Variants in GLI3 observed in about 807,000 individuals in gnomAD.
GLI3 encodes the protein GLI family zinc finger 3.
GLI3 carries 20 observed loss-of-function variants against 100.8 expected under a neutral mutation model. That is an observed-to-expected ratio of 0.20 (90% confidence interval 0.14 to 0.29). The LOEUF (loss-of-function observed/expected upper bound fraction) is 0.29, where lower values mean the gene tolerates loss of function less well. Among genes scored for constraint, GLI3 ranks in the 10% least tolerant of loss-of-function variants. The probability of loss-of-function intolerance (pLI) is 1.00; values close to 1 mark genes in which losing one functional copy is unlikely to be tolerated. For missense variants in GLI3, 2,040 were observed against 2,128.5 expected (o/e 0.96, Z 0.82); for synonymous variants, 938 against 860.5 (o/e 1.09, Z -1.58).
intron 1 of GLI3, among the ~76,000 whole-genome samples, chr7:42,249,966 A>G (rs1035412461): frequency 2.0e-5 from 3 of 152,056 alleles, no homozygotes; most frequent in African/African-American, 7.2e-5. Flanking sequence ...ATGGTGTTGC[A>G]TACCTGTAGT....
chr7:42,106,227 T>C (rs565581603), intron 3 of GLI3, among the ~76,000 whole-genome samples: 2 of 152,314 alleles, frequency 1.3e-5, no homozygotes, highest in African/African-American at 4.8e-5. Flanking sequence ...ACTGTAAATG[T>C]CTGATATCTG....
chr7:42,258,099 C>T (rs1478672360), intron 1 of GLI3, among the ~76,000 whole-genome samples: 1 of 152,132 alleles, frequency 6.6e-6, no homozygotes, highest in Non-Finnish European at 1.5e-5. Flanking sequence ...ATGTATAACC[C>T]AATCATAATG....
chr7:42,140,179 T>C (rs773420136), intron 3 of GLI3, among the ~76,000 whole-genome samples: 1 of 152,242 alleles, frequency 6.6e-6, no homozygotes, highest in Non-Finnish European at 1.5e-5. Flanking sequence ...CTGCCAAGGC[T>C]GGGTAAGTCC....
chr7:41,968,001 C>T (rs1032559894), intron 13 of GLI3, 78 bp from the exon 14 acceptor site: 2 of 1,068,264 alleles, frequency 1.9e-6, no homozygotes, highest in African/African-American at 3.1e-5. Context: ...AGAGCTCATG[C>T]ATATCGAGAT....
At chr7:42,036,317 T>A (rs994497219) in intron 7 of GLI3, among the ~76,000 whole-genome samples, 1 of 152,212 alleles carries the variant, frequency 6.6e-6, no homozygotes, top group African/African-American at 2.4e-5. Context: ...CTTACTTTAA[T>A]AAGGGGATGA....
chr7:42,031,407 G>A (rs953909159), intron 7 of GLI3, among the ~76,000 whole-genome samples: 1 of 152,156 alleles, frequency 6.6e-6, no homozygotes, highest in African/African-American at 2.4e-5. Context: ...ACAGTCAGAG[G>A]CCTCCTGAGG....
chr7:42,117,769 G>A (rs1163613499), intron 3 of GLI3, among the ~76,000 whole-genome samples: 4 of 152,160 alleles, frequency 2.6e-5, no homozygotes, highest in African/African-American at 7.2e-5. Flanking sequence ...TTACAGTAGA[G>A]TTTAGATTAA....
At chr7:42,220,134 G>A (rs1012296527) in intron 2 of GLI3, among the ~76,000 whole-genome samples, 6 of 152,108 alleles carry the variant, frequency 3.9e-5, no homozygotes, top group Admixed American at 3.9e-4. Context: ...TTACAGGTGT[G>A]AGCCACCGGG....
At chr7:42,241,247 G>C (rs992590499), upstream of GLI3, among the ~76,000 whole-genome samples, 1 of 152,174 alleles carries the variant, frequency 6.6e-6, no homozygotes, top group African/African-American at 2.4e-5. Context: ...GAGGAAGGTG[G>C]CCAGAGGCAG....
At chr7:42,108,119 T>C (rs991550681) in intron 3 of GLI3, among the ~76,000 whole-genome samples, 2 of 152,152 alleles carry the variant, frequency 1.3e-5, no homozygotes, top group African/African-American at 4.8e-5. Context: ...CAATGTCAAA[T>C]ATCCAGATGA....
intron 10 of GLI3, among the ~76,000 whole-genome samples, chr7:42,000,476 AG>A (rs1788255159): frequency 6.6e-6 from 1 of 152,196 alleles, no homozygotes; most frequent in African/African-American, 2.4e-5. Context: ...ACAGGCCAAA[AG>A]CCCCCACAGT....
At chr7:42,181,304 T>G (rs184828861) in intron 2 of GLI3, among the ~76,000 whole-genome samples, 81 of 152,308 alleles carry the variant, frequency 5.3e-4, no homozygotes, top group African/African-American at 1.9e-3. Context: ...AATTTCAGCC[T>G]ATGCAGAATT....
chr7:42,010,709 TA>T (rs1788588596), intron 10 of GLI3, among the ~76,000 whole-genome samples: 1 of 152,194 alleles, frequency 6.6e-6, no homozygotes, highest in African/African-American at 2.4e-5. Flanking sequence ...ATTTAATAGT[TA>T]AGAACATCTA....
At chr7:42,004,451 A>C (rs1788392275) in intron 10 of GLI3, among the ~76,000 whole-genome samples, 1 of 152,194 alleles carries the variant, frequency 6.6e-6, no homozygotes, top group Non-Finnish European at 1.5e-5. Context: ...GATTGCACAT[A>C]AAATAAAAAG....
rs377548569 is a variant in GLI3, at chr7:41,965,572, G to A, written c.3501C>T (p.Ser1167=). The A allele has an allele frequency of 5.6e-6, 9 of 1,604,856 alleles. No homozygotes were observed. The highest frequency in any genetic ancestry group is 2.2e-5 in the South Asian group (2 of 90,864). ...TGGAGGAGGACAGGTCGGCGCTTCC[G>A]GAGCTGACTTCGTTCCACTGAATGG... ...DLPIQWNEVS[S]GSADLSSSKL... The change falls in exon 15 of 15, where the codon TCC becomes TCT. Residue 1167 remains serine (S), a synonymous_variant. Transcript: ENST00000395925.
intron 1 of GLI3, among the ~76,000 whole-genome samples, chr7:42,249,051 C>T (rs556610430): frequency 6.6e-6 from 1 of 152,018 alleles, no homozygotes; most frequent in African/African-American, 2.4e-5. Context: ...CTGGCCTTAT[C>T]GAAATTTAGG....
At chr7:42,093,599 T>C (rs1466412019) in intron 3 of GLI3, among the ~76,000 whole-genome samples, 1 of 152,198 alleles carries the variant, frequency 6.6e-6, no homozygotes, top group Non-Finnish European at 1.5e-5. Flanking sequence ...TCAGTGCTTA[T>C]GGCTCTTAAG....
intron 10 of GLI3, among the ~76,000 whole-genome samples, chr7:41,980,575 T>A (rs1325669647): frequency 6.6e-6 from 1 of 150,432 alleles, no homozygotes; most frequent in Non-Finnish European, 1.5e-5. Flanking sequence ...CTTGGATTAA[T>A]GCATATGAAA....
chr7:42,189,524 A>AATCAAAATAAATATCAAAT (rs1787784636), intron 2 of GLI3, among the ~76,000 whole-genome samples: 1 of 152,228 alleles, frequency 6.6e-6, no homozygotes, highest in South Asian at 2.1e-4. Flanking sequence ...GAAAAGCTGT[A>AATCAAAATAAATATCAAAT]ATCAGCCAAA....
Sources: gnomAD v4.1 joint callset for allele counts (sites outside exome capture counted in the v4.1 genomes callset) on GRCh38, gnomAD v4.1.1 for gene constraint, MANE v1.5 for transcripts, NCBI Gene and HGNC (gene_info 2026-07-23, HGNC 2026-07-21) for gene names.